Variants in DGKD observed in about 807,000 individuals in gnomAD.
The protein encoded by DGKD is DAG kinase delta.
DGKD carries 68 observed loss-of-function variants against 154.4 expected under a neutral mutation model. That is an observed-to-expected ratio of 0.44 (90% CI 0.36 to 0.54). DGKD has a LOEUF of 0.54. Among genes scored for constraint, DGKD ranks in the 20% least tolerant of loss-of-function variants. The pLI is 0.00. For missense variants in DGKD, 1,343 were observed against 1,593.6 expected (o/e 0.84, Z 2.68); for synonymous variants, 693 against 638.0 (o/e 1.09, Z -1.30).
rs940967487 is a variant in DGKD, at chr2:233,441,436, G to A, written c.1086-451G>A. Among the ~76,000 whole-genome samples, 1 of 152,220 alleles carries A rather than the reference G, an allele frequency of 6.6e-6. No homozygotes were observed. Among genetic ancestry groups the A allele is most frequent in the African/African-American group, 2.4e-5 (1 of 41,450 alleles). ...GGGAGTGCCAAGACTGAGGGTGCAG[G>A]GTGATGCAGGCAGCCCAGAGGGCAT... On this transcript the variant is annotated intron_variant, in intron 9 of 29. Coordinates refer to ENST00000264057, the MANE Select transcript of DGKD (RefSeq NM_152879.3). The surrounding 1 kb of genome is among the most constrained non-coding windows in gnomAD (Gnocchi z 5.6).
chr2:233,373,525 C>T (rs927711026), intron 1 of DGKD, among the ~76,000 whole-genome samples: 2 of 152,118 alleles, frequency 1.3e-5, no homozygotes, highest in African/African-American at 2.4e-5. Context: ...AAGCAGCTGC[C>T]CTCAGCCTTA....
At chr2:233,355,288 C>G (rs1166464901) in intron 1 of DGKD, among the ~76,000 whole-genome samples, 4 of 152,218 alleles carry the variant, frequency 2.6e-5, no homozygotes, top group Non-Finnish European at 4.4e-5. Context: ...GCACCCAACT[C>G]TCCACGGAGA....
chr2:233,404,118 C>T (rs1437979914), intron 3 of DGKD, among the ~76,000 whole-genome samples: 5 of 148,356 alleles, frequency 3.4e-5, no homozygotes, highest in African/African-American at 1.2e-4. Flanking sequence ...GTATAATTTA[C>T]ATGTGTTATA....
intron 7 of DGKD, 70 bp from the exon 8 acceptor site, chr2:233,437,307 G>T: frequency 7.0e-7 from 1 of 1,437,262 alleles, no homozygotes; most frequent in Non-Finnish European, 9.8e-7. Context: ...ATCAGCTACA[G>T]GGCAGGAGGA....
chr2:233,370,570 C>CTTTTTTTTTTTTT, intron 1 of DGKD, among the ~76,000 whole-genome samples: 1 of 123,344 alleles, frequency 8.1e-6, no homozygotes, highest in Non-Finnish European at 1.7e-5. Flanking sequence ...AGAACTTCTT[C>CTTTTTTTTTTTTT]TTTTTTTTTT....
intron 3 of DGKD, among the ~76,000 whole-genome samples, chr2:233,417,903 C>T (rs917035929): frequency 4.6e-5 from 7 of 152,078 alleles, no homozygotes; most frequent in Admixed American, 2.6e-4. Context: ...TGCTCAGTGT[C>T]CCCAGAGGCA....
At chr2:233,419,103 T>G (rs977544044) in intron 3 of DGKD, 1 of 414,046 alleles carries the variant, frequency 2.4e-6, no homozygotes, top group Non-Finnish European at 3.2e-6. Flanking sequence ...AGGATGTGAG[T>G]AACAGGAAGT....
chr2:233,469,293 G>T (rs889532550), intron 29 of DGKD, 78 bp from the exon 30 acceptor site: 1 of 1,294,976 alleles, frequency 7.7e-7, no homozygotes, highest in Non-Finnish European at 1.1e-6. Flanking sequence ...GGGAAGGGCC[G>T]TTGTGGCAGG....
At position 233,441,773 on chromosome 2, in the gene DGKD, C is replaced by A; in HGVS notation, c.1086-114C>A. 1.1e-6 allele frequency: 1 copy of A among 927,488 alleles called. No individual in the cohort carries two copies. Among genetic ancestry groups the A allele is most frequent in the Non-Finnish European group, 1.7e-6 (1 of 599,428 alleles). The allele number at this position is 927,488 out of a possible 1,614,324, so 57.5% of individuals were successfully genotyped here. On this transcript the variant is annotated intron_variant, in intron 9 of 29. Transcript: ENST00000264057. The surrounding 1 kb of genome is among the most constrained non-coding windows in gnomAD (Gnocchi z 5.6). ...GGCAGGGCCTGTGCGTGCTCTGCCT[C>A]TGGTGCAGGTCAGCCATGAGGAGCA...
chr2:233,407,609 T>TA (rs1296995870), intron 3 of DGKD, among the ~76,000 whole-genome samples: 7 of 151,446 alleles, frequency 4.6e-5, no homozygotes, highest in African/African-American at 4.9e-5. Flanking sequence ...CTACAAAAAA[T>TA]AAAAAAAATT....
chr2:233,363,815 G>A (rs1016839859), intron 1 of DGKD, among the ~76,000 whole-genome samples: 1 of 152,210 alleles, frequency 6.6e-6, no homozygotes, highest in Admixed American at 6.5e-5. Flanking sequence ...GCACAGTGAT[G>A]TGCTCTATGG....
chr2:233,379,977 C>T (rs537980045), intron 1 of DGKD: 4 of 152,270 alleles, frequency 2.6e-5, no homozygotes, highest in African/African-American at 7.2e-5. Flanking sequence ...TTTTAACAAA[C>T]GTTCCAGGGG....
At chr2:233,443,268 G>A (rs763819813) in intron 10 of DGKD, among the ~76,000 whole-genome samples, 4 of 152,102 alleles carry the variant, frequency 2.6e-5, no homozygotes, top group East Asian at 1.9e-4. Flanking sequence ...GAAGTTGAAC[G>A]CCTCCTCAGT....
rs1575164364 is a variant in DGKD at position 233,458,698 on chromosome 2, A to C, written c.2694+301A>C. Among the ~76,000 whole-genome samples the C allele has an allele frequency of 7.0e-6, 1 of 143,648 alleles. No homozygotes were observed. Among genetic ancestry groups the C allele is most frequent in the African/African-American group, 2.6e-5 (1 of 38,314 alleles). 94.2% of individuals were successfully genotyped at this position (143,648 alleles called of 152,430 possible). The stretch of plus-strand genomic sequence containing the variant: ...GCAATCTCGGCTTGCTGCAACCTCC[A>C]CCTCCCTGGTTCAAGTGATTCTCCC... On this transcript the variant is annotated intron_variant, in intron 22 of 29. Coordinates refer to ENST00000264057, the MANE Select transcript of DGKD (RefSeq NM_152879.3). The surrounding 1 kb of genome is among the most constrained non-coding windows in gnomAD (Gnocchi z 6.6).
chr2:233,359,163 T>C (rs1365771816), intron 1 of DGKD, among the ~76,000 whole-genome samples: 2 of 152,234 alleles, frequency 1.3e-5, no homozygotes, highest in South Asian at 2.1e-4. Context: ...TCAGATGAAG[T>C]CACTTCAGAC....
At chr2:233,397,781 T>A (rs1434262510) in intron 3 of DGKD, among the ~76,000 whole-genome samples, 1 of 149,622 alleles carries the variant, frequency 6.7e-6, no homozygotes, top group Non-Finnish European at 1.5e-5. Context: ...TAGGAGAGAG[T>A]GGAGTGGAGA....
Position 233,438,210 on chromosome 2 carries a change from C to G in DGKD, c.923-7C>G, listed in dbSNP as rs771732345. ...ATATATTTTCTTCTGTTCGTTCTTG[C>G]GTCCAGGGTTCTGGAAGGCCAGCTG... On this transcript the variant is annotated splice_polypyrimidine_tract_variant and splice_region_variant and intron_variant, in intron 8 of 29. Transcript: ENST00000264057. This position sits in a 1 kb window ranked among gnomAD's most constrained non-coding sequence, Gnocchi z 4.1. The G allele has an allele frequency of 6.2e-7, 1 of 1,612,816 alleles. No individual in the cohort carries two copies. Among genetic ancestry groups the G allele is most frequent in the Non-Finnish European group, 8.5e-7 (1 of 1,179,322 alleles).
intron 1 of DGKD, among the ~76,000 whole-genome samples, chr2:233,386,848 G>T (rs1288709527): frequency 6.6e-6 from 1 of 152,226 alleles, no homozygotes; most frequent in Non-Finnish European, 1.5e-5. Context: ...TGAGCAAGAA[G>T]CTCTTGGAAG....
chr2:233,425,535 A>T (rs115500548), intron 3 of DGKD, among the ~76,000 whole-genome samples: 1 of 152,184 alleles, frequency 6.6e-6, no homozygotes, highest in Non-Finnish European at 1.5e-5. Flanking sequence ...AACACATGCA[A>T]GTGGTACAGA....
Sources: allele counts gnomAD v4.1 joint callset (sites outside exome capture counted in the v4.1 genomes callset), GRCh38; gene constraint gnomAD v4.1.1; non-coding constraint Gnocchi (gnomAD v3.1); transcripts MANE v1.5; gene names NCBI Gene and HGNC (gene_info 2026-07-23, HGNC 2026-07-21).